ACACA: variants seen among roughly 807,000 people sequenced by gnomAD.
ACACA encodes the protein acetyl-CoA carboxylase 1.
Under a neutral mutation model 296.1 loss-of-function variants are expected in ACACA, and 103 were observed. The ratio of observed to expected loss-of-function variants is 0.35; its 90% CI spans 0.30 to 0.41. The LOEUF (loss-of-function observed/expected upper bound fraction) is 0.41. Among genes scored for constraint, ACACA ranks in the 10% least tolerant of loss-of-function variants. The pLI, the probability that ACACA is intolerant of heterozygous loss-of-function variation, is 1.00. For missense variants in ACACA, 1,554 were observed against 2,989.7 expected (o/e 0.52, Z 11.20); for synonymous variants, 953 against 1,038.6 (o/e 0.92, Z 1.58).
At chr17:37,378,722 A>G (rs1330075478) in intron 1 of ACACA, among the ~76,000 whole-genome samples, 2 of 152,098 alleles carry the variant, frequency 1.3e-5, no homozygotes, top group African/African-American at 2.4e-5. Flanking sequence ...CAACAAGAGC[A>G]AAACTCAGAG....
rs1363769612 is a variant in ACACA at position 37,210,508 on chromosome 17, C to T, written c.3684-18G>A. 4 of 1,609,048 alleles carry T rather than the reference C, an allele frequency of 2.5e-6. No homozygotes were observed. The South Asian group carries it at 4.4e-5, about 18-fold the overall frequency. On this transcript the variant is annotated intron_variant, in intron 29 of 55. Coordinates refer to ENST00000616317, the MANE Select transcript of ACACA (RefSeq NM_198834.3). ...TGTTCCCTCTGTAATTAAACAACCA[C>T]AGTTAGTTACTGATAAGTTAGTGAA...
At chr17:37,355,446 C>T (rs2049092845) in intron 1 of ACACA, among the ~76,000 whole-genome samples, 2 of 151,714 alleles carry the variant, frequency 1.3e-5, no homozygotes, top group South Asian at 4.2e-4. Flanking sequence ...ATCCGAGCTA[C>T]ACGGGAGGCT....
At chr17:37,129,974 T>G (rs1289778777) in intron 46 of ACACA, 101 bp downstream of exon 46, 7 of 1,470,460 alleles carry the variant, frequency 4.8e-6, no homozygotes, top group Non-Finnish European at 5.7e-6. Context: ...ATAAAAAAAT[T>G]CCTCCACCAT....
At chr17:37,271,587 C>T (rs1356829923) in intron 9 of ACACA, among the ~76,000 whole-genome samples, 2 of 151,826 alleles carry the variant, frequency 1.3e-5, no homozygotes, top group Admixed American at 1.3e-4. Flanking sequence ...GTATGTATTT[C>T]TGCATTATTG....
At chr17:37,339,608 C>G (rs2048292587) in intron 2 of ACACA, among the ~76,000 whole-genome samples, 196 bp downstream of exon 2, 1 of 152,230 alleles carries the variant, frequency 6.6e-6, no homozygotes, top group Admixed American at 6.5e-5. Flanking sequence ...TCCACTGATT[C>G]TAGTCCTGAA....
intron 52 of ACACA, among the ~76,000 whole-genome samples, chr17:37,099,307 T>C (rs2073178044): frequency 6.6e-6 from 1 of 152,222 alleles, no homozygotes; most frequent in South Asian, 2.1e-4. Context: ...GTGATGAAGG[T>C]GCCACTGATC....
At chr17:37,267,044 T>C (rs2081815754) in intron 10 of ACACA, among the ~76,000 whole-genome samples, 2 of 152,248 alleles carry the variant, frequency 1.3e-5, no homozygotes, top group Non-Finnish European at 2.9e-5. Context: ...TCTTACGTTT[T>C]ACTTTTCTGT....
intron 25 of ACACA, among the ~76,000 whole-genome samples, chr17:37,227,763 G>A (rs984067094): frequency 6.6e-6 from 1 of 151,600 alleles, no homozygotes; most frequent in African/African-American, 2.4e-5. Context: ...AGGAGGCTGA[G>A]GCAGGAGAAT....
intron 13 of ACACA, among the ~76,000 whole-genome samples, 164 bp from the exon 14 acceptor site, chr17:37,258,030 A>G (rs545825985): frequency 6.6e-6 from 1 of 152,346 alleles, no homozygotes; most frequent in South Asian, 2.1e-4. Context: ...AAGACTCTAC[A>G]GTGACTTAAG....
At chr17:37,248,941 T>G (rs1288083873) in intron 16 of ACACA, among the ~76,000 whole-genome samples, 1 of 152,192 alleles carries the variant, frequency 6.6e-6, no homozygotes, top group African/African-American at 2.4e-5. Context: ...ATATTAACAC[T>G]ATTCTGCAAC....
chr17:37,205,109 C>T (rs566026764), intron 33 of ACACA, among the ~76,000 whole-genome samples: 5 of 152,176 alleles, frequency 3.3e-5, no homozygotes, highest in Non-Finnish European at 5.9e-5. Flanking sequence ...AACTAACAGA[C>T]CTTGGTGACT....
intron 29 of ACACA, among the ~76,000 whole-genome samples, chr17:37,219,511 A>T (rs1244061388): frequency 6.6e-6 from 1 of 151,994 alleles, no homozygotes; most frequent in East Asian, 1.9e-4. Context: ...AAGTAGGGAC[A>T]ATTTGGTGGT....
rs1217217044 is a variant in ACACA at position 37,240,405 on chromosome 17, A to T, written c.3121+71T>A. ...GGGGGCTTAGCTCTTACACAGTCCT[A>T]TAGGGATAGTTTGGGTTGGTTATCA... On this transcript the variant is annotated intron_variant, in intron 24 of 55. Coordinates refer to ENST00000616317, the MANE Select transcript of ACACA (RefSeq NM_198834.3). 4 of 1,351,240 alleles carry T rather than the reference A, an allele frequency of 3.0e-6. No individual in the cohort carries two copies. In the East Asian group the frequency reaches 9.3e-5, roughly 32 times the overall value. The allele number at this position is 1,351,240 out of a possible 1,614,324, so 83.7% of individuals were successfully genotyped here. A position where few individuals can be genotyped will look rare whatever the true frequency, so the allele number is the denominator to read the frequency against.
intron 41 of ACACA, among the ~76,000 whole-genome samples, chr17:37,174,690 G>A (rs1405691937): frequency 1.3e-5 from 2 of 151,880 alleles, no homozygotes; most frequent in Admixed American, 6.6e-5. Flanking sequence ...CCGCCACCAC[G>A]CCTGGCTAAT....
At chr17:37,295,067 G>C (rs1471093378) in intron 3 of ACACA, among the ~76,000 whole-genome samples, 1 of 152,196 alleles carries the variant, frequency 6.6e-6, no homozygotes, top group Non-Finnish European at 1.5e-5. Context: ...TCCTTAGCCA[G>C]TAGAGTAGGG....
intron 1 of ACACA, chr17:37,388,597 C>G (rs1040054663): frequency 6.6e-7 from 1 of 1,507,218 alleles, no homozygotes. Context: ...AGAAGAACTT[C>G]AGGTCAAAGG....
chr17:37,361,536 A>T (rs2049405986), intron 1 of ACACA, among the ~76,000 whole-genome samples: 1 of 152,176 alleles, frequency 6.6e-6, no homozygotes, highest in Admixed American at 6.6e-5. Flanking sequence ...CAGTGAAAAA[A>T]AAAGTAATTA....
chr17:37,171,575 C>T (rs1260252734), intron 41 of ACACA, among the ~76,000 whole-genome samples: 1 of 152,118 alleles, frequency 6.6e-6, no homozygotes, highest in African/African-American at 2.4e-5. Flanking sequence ...CCAAATGGCA[C>T]AAATTAAGTC....
intron 3 of ACACA, among the ~76,000 whole-genome samples, chr17:37,295,926 A>G (rs1220660695): frequency 6.6e-6 from 1 of 152,106 alleles, no homozygotes; most frequent in African/African-American, 2.4e-5. Context: ...CTCCATTTCA[A>G]AAAATCAAAA....
Sources: gnomAD v4.1 joint callset for allele counts (sites outside exome capture counted in the v4.1 genomes callset) on GRCh38, gnomAD v4.1.1 for gene constraint, MANE v1.5 for transcripts, NCBI Gene and HGNC (gene_info 2026-07-23, HGNC 2026-07-21) for gene names.